The following KCTD20 variants were observed in gnomAD, a reference collection of about 807,000 sequenced individuals.
The protein encoded by KCTD20 is potassium channel tetramerization domain containing 20, also known as BTB/POZ domain-containing protein KCTD20.
KCTD20 carries 30 observed loss-of-function variants against 39.6 expected under a neutral mutation model. That is an observed-to-expected ratio of 0.76 (90% CI 0.57 to 1.03). The LOEUF (loss-of-function observed/expected upper bound fraction) is 1.03. KCTD20 is among the 50% of genes least tolerant of loss of function. The pLI is 0.00. For synonymous variants in KCTD20, 162 were observed against 180.6 expected, an observed-to-expected ratio of 0.90 and a Z score of 0.83; for missense variants, 422 against 522.0, an observed-to-expected ratio of 0.81 and a Z score of 1.87.
At chr6:36,467,359 G>A (rs1775789153) in intron 1 of KCTD20, among the ~76,000 whole-genome samples, 1 of 63,174 alleles carries the variant, frequency 1.6e-5, no homozygotes, top group African/African-American at 6.9e-5. Context: ...TTTTTTTTGA[G>A]ACGGAGTTTC....
rs938862977 is a variant in KCTD20 at position 36,457,811 on chromosome 6, G to C, written c.-46-12241G>C. The stretch of plus-strand genomic sequence containing the variant: ...TTTAAAGGGTTGGAAGTGATGGAAG[G>C]ATATGTTTTTCCGGGGGTAGGATTA... On this transcript the variant is annotated intron_variant, in intron 1 of 7. Transcript: ENST00000373731. 2.0e-4 allele frequency among the ~76,000 whole-genome samples: 31 copies of C among 152,216 alleles called. 1 individual carries two copies. Among genetic ancestry groups the C allele is most frequent in the Non-Finnish European group, 3.7e-4 (25 of 68,044 alleles).
rs142302259 is a variant in KCTD20, at chr6:36,453,806, G to A, written c.-47+10695G>A. Among the ~76,000 whole-genome samples the A allele has an allele frequency of 5.2e-3, 792 of 152,176 alleles. 3 individuals are homozygous for A. The highest frequency in any genetic ancestry group is 0.017 in the African/African-American group (722 of 41,530). On this transcript the variant is annotated intron_variant, in intron 1 of 7. Transcript: ENST00000373731. ...ATTACAGATATGAGCCACTGTGCCC[G>A]GCCTCTAATATATGTTTTAAAGCTA... is the stretch of plus-strand genomic sequence containing the variant.
chr6:36,456,288 C>CT (rs1191819137), intron 1 of KCTD20, among the ~76,000 whole-genome samples: 12 of 151,778 alleles, frequency 7.9e-5, no homozygotes, highest in South Asian at 2.1e-4. Context: ...AAAAAATTAG[C>CT]TTTTTTTTGA....
In KCTD20 at chr6:36,470,005, G is replaced by T. The variant is rs182105487; in HGVS notation, c.-46-47G>T. On this transcript the variant is annotated intron_variant, in intron 1 of 7. Transcript: ENST00000373731. Reference sequence around the variant, plus strand: ...TGCTTTCATACCATGGAATTCCTTAGAAATCTGTTTTGTGAGTTCTAAATC... The same window carrying T: ...TGCTTTCATACCATGGAATTCCTTATAAATCTGTTTTGTGAGTTCTAAATC... 7 of 1,180,426 alleles carry T rather than the reference G, an allele frequency of 5.9e-6. No individual in the cohort carries two copies. In the East Asian group the frequency reaches 1.8e-4, roughly 31 times the overall value. 73.1% of individuals were successfully genotyped at this position (1,180,426 alleles called of 1,614,324 possible). A position where few individuals can be genotyped will look rare whatever the true frequency, so the allele number is the denominator to read the frequency against.
Position 36,448,415 on chromosome 6 carries a change from T to C in KCTD20, c.-47+5304T>C. On this transcript the variant is annotated intron_variant, in intron 1 of 7. Transcript: ENST00000373731. ...AAACAGGTAGTAACTTACACCTCTA[T>C]GTGAAGATCACAGTACATATCTTAA... Among the ~76,000 whole-genome samples the C allele has an allele frequency of 1.3e-5, 2 of 152,250 alleles. 1 individual carries two copies. Among genetic ancestry groups the C allele is most frequent in the Non-Finnish European group, 2.9e-5 (2 of 68,032 alleles).
intron 7 of KCTD20, among the ~76,000 whole-genome samples, chr6:36,486,146 G>A (rs191129499): frequency 4.6e-5 from 7 of 152,096 alleles, no homozygotes; most frequent in Admixed American, 3.3e-4. Context: ...GGACTCAAGC[G>A]ATCCTCCTGC....
intron 1 of KCTD20, among the ~76,000 whole-genome samples, chr6:36,458,333 G>GT (rs565761072): frequency 7.2e-4 from 109 of 151,996 alleles, no homozygotes; most frequent in Middle Eastern, 6.8e-3. Flanking sequence ...GAGGTCGAGA[G>GT]TTTGAGACCA....
At chr6:36,445,628 G>A in intron 1 of KCTD20, among the ~76,000 whole-genome samples, 1 of 152,134 alleles carries the variant, frequency 6.6e-6, no homozygotes, top group East Asian at 1.9e-4. Context: ...CAGAGTCTTA[G>A]ATATATGAGG....
At chr6:36,464,407 C>T (rs771721722) in intron 1 of KCTD20, among the ~76,000 whole-genome samples, 34 of 152,144 alleles carry the variant, frequency 2.2e-4, no homozygotes, top group Non-Finnish European at 4.3e-4. Context: ...CAGCCTTGAC[C>T]TCCCAGGCTC....
At chr6:36,448,601 C>T (rs1387072403) in intron 1 of KCTD20, among the ~76,000 whole-genome samples, 1 of 152,178 alleles carries the variant, frequency 6.6e-6, no homozygotes, top group Non-Finnish European at 1.5e-5. Flanking sequence ...TCTATTTTCT[C>T]ACAATTTTGG....
intron 1 of KCTD20, among the ~76,000 whole-genome samples, chr6:36,460,645 AC>A (rs1443237650): frequency 6.6e-6 from 1 of 152,036 alleles, no homozygotes; most frequent in Non-Finnish European, 1.5e-5. Context: ...TGTAAAATCA[AC>A]CCCCATCTGG....
In KCTD20 at chr6:36,481,678, C is replaced by T; in HGVS notation, c.775C>T (p.His259Tyr). 6.2e-7 allele frequency: 1 copy of T among 1,614,192 alleles called. No homozygotes were observed. The highest frequency in any genetic ancestry group is 8.5e-7 in the Non-Finnish European group (1 of 1,180,032). ...TGCCAAGAAAGGAGAACGAGAGTGC[C>T]ACATTGTTGTGCTGACGGATGAGGA... ...GCAKKGEREC[H>Y]IVVLTDEDSV... Residue 259 changes from histidine to tyrosine, a missense_variant, in exon 6 of 8, where the codon CAC (histidine) becomes TAC (tyrosine). By Grantham distance (83) the His-to-Tyr change is moderately conservative. Transcript: ENST00000373731.
intron 6 of KCTD20, among the ~76,000 whole-genome samples, chr6:36,483,263 C>CTTTTTTTTTTTTT (rs766717414): frequency 2.6e-5 from 2 of 76,724 alleles, no homozygotes; most frequent in Admixed American, 3.0e-4. Context: ...GTGGCTTTTT[C>CTTTTTTTTTTTTT]TTTTTTTTTT....
chr6:36,484,019 A>C (rs1353474763), intron 6 of KCTD20, among the ~76,000 whole-genome samples: 6 of 148,594 alleles, frequency 4.0e-5, no homozygotes, highest in Non-Finnish European at 8.9e-5. Context: ...GGCTCACTGC[A>C]ACTTCTGCCT....
chr6:36,484,595 C>T, intron 6 of KCTD20, 119 bp from the exon 7 acceptor site: 3 of 566,222 alleles, frequency 5.3e-6, no homozygotes, highest in Non-Finnish European at 9.6e-6. Context: ...ATCTTTGATC[C>T]ATCTGGATTA....
intron 2 of KCTD20, among the ~76,000 whole-genome samples, chr6:36,474,294 A>G (rs1775999083): frequency 6.8e-6 from 1 of 146,032 alleles, no homozygotes; most frequent in African/African-American, 2.5e-5. Context: ...AATTTTGAAG[A>G]ATCTGAAAAT....
chr6:36,468,081 A>G (rs1441000276), intron 1 of KCTD20, among the ~76,000 whole-genome samples: 5 of 152,272 alleles, frequency 3.3e-5, no homozygotes, highest in African/African-American at 7.2e-5. Context: ...CCTTTTTTGC[A>G]TTATCTATAA....
chr6:36,473,346 G>C (rs940786045), intron 2 of KCTD20, among the ~76,000 whole-genome samples: 5 of 152,062 alleles, frequency 3.3e-5, no homozygotes, highest in Non-Finnish European at 7.4e-5. Context: ...ACAGGCGTGA[G>C]CCACCGCACC....
chr6:36,479,068 T>C (rs1776155479), intron 3 of KCTD20, 53 bp from the exon 4 acceptor site: 2 of 1,170,962 alleles, frequency 1.7e-6, no homozygotes, highest in African/African-American at 3.0e-5. Flanking sequence ...AGAAATCTCA[T>C]CTGTGAAGAA....
Sources: gnomAD v4.1 joint callset for allele counts (sites outside exome capture counted in the v4.1 genomes callset) on GRCh38, gnomAD v4.1.1 for gene constraint, MANE v1.5 for transcripts, NCBI Gene and HGNC (gene_info 2026-07-23, HGNC 2026-07-21) for gene names.